Variants in PTPRO observed in about 807,000 individuals in gnomAD.
The protein encoded by PTPRO is protein tyrosine phosphatase receptor type O, also known as receptor-type tyrosine-protein phosphatase O.
PTPRO carries 62 observed loss-of-function variants against 145.2 expected under a neutral mutation model. The observed-to-expected ratio is 0.43, with a 90% confidence interval of 0.35 to 0.53. The LOEUF is 0.53. PTPRO is among the 20% of genes least tolerant of loss of function. PTPRO has a pLI of 0.01. For synonymous variants in PTPRO, 565 were observed against 514.7 expected, an observed-to-expected ratio of 1.10 and a Z score of -1.32; for missense variants, 1,345 against 1,482.7, an observed-to-expected ratio of 0.91 and a Z score of 1.53.
At chr12:15,502,884 G>A (rs1369727975) in intron 5 of PTPRO, among the ~76,000 whole-genome samples, 1 of 152,040 alleles carries the variant, frequency 6.6e-6, no homozygotes, top group East Asian at 1.9e-4. Context: ...GTAAAAATTT[G>A]AAGTTACAGT....
chr12:15,380,502 G>C (rs1938826377), intron 1 of PTPRO, among the ~76,000 whole-genome samples: 1 of 152,130 alleles, frequency 6.6e-6, no homozygotes, highest in African/African-American at 2.4e-5. Flanking sequence ...AACAACTTAT[G>C]TAATTTTAAA....
chr12:15,421,216 C>T (rs910081138), intron 1 of PTPRO, among the ~76,000 whole-genome samples: 2 of 152,164 alleles, frequency 1.3e-5, no homozygotes, highest in African/African-American at 4.8e-5. Context: ...CTTGCAAATA[C>T]GTCTAAATAG....
intron 6 of PTPRO, among the ~76,000 whole-genome samples, chr12:15,506,182 C>T (rs569204550): frequency 2.0e-5 from 3 of 152,134 alleles, no homozygotes; most frequent in Non-Finnish European, 4.4e-5. Context: ...ACCCTCTGTG[C>T]CCCCACTACA....
intron 1 of PTPRO, among the ~76,000 whole-genome samples, chr12:15,438,174 G>C (rs1293779114): frequency 6.6e-6 from 1 of 151,934 alleles, no homozygotes; most frequent in East Asian, 1.9e-4. Context: ...GAGAATAATA[G>C]TAATGACATT....
At chr12:15,495,982 A>C (rs1376752956) in intron 2 of PTPRO, among the ~76,000 whole-genome samples, 1 of 152,108 alleles carries the variant, frequency 6.6e-6, no homozygotes, top group Non-Finnish European at 1.5e-5. Flanking sequence ...ACATCATTTA[A>C]TTCCCTCTAG....
chr12:15,566,099 T>A (rs1419119215), intron 18 of PTPRO, among the ~76,000 whole-genome samples: 1 of 152,192 alleles, frequency 6.6e-6, no homozygotes, highest in African/African-American at 2.4e-5. Context: ...AGATAATTAA[T>A]CTAGCCTGTG....
chr12:15,343,678 C>A (rs981297234), intron 1 of PTPRO, among the ~76,000 whole-genome samples: 1 of 152,114 alleles, frequency 6.6e-6, no homozygotes, highest in Non-Finnish European at 1.5e-5. Context: ...AACAGCAAGA[C>A]CCTGTCTCAA....
intron 1 of PTPRO, among the ~76,000 whole-genome samples, chr12:15,395,628 T>C (rs1310714300): frequency 6.6e-6 from 1 of 152,180 alleles, no homozygotes; most frequent in Non-Finnish European, 1.5e-5. Context: ...GGTGGCTTAA[T>C]GTAGTAAATT....
intron 1 of PTPRO, chr12:15,439,729 A>G (rs1226935072): frequency 2.3e-5 from 12 of 532,850 alleles, no homozygotes; most frequent in Admixed American, 1.7e-4. Context: ...TGGACCTCCT[A>G]GTCAAGGACA....
chr12:15,422,449 C>T (rs959051748), intron 1 of PTPRO, among the ~76,000 whole-genome samples: 27 of 152,058 alleles, frequency 1.8e-4, no homozygotes, highest in African/African-American at 5.8e-4. Context: ...AATTGAGTGC[C>T]AACTTTGGGC....
intron 1 of PTPRO, among the ~76,000 whole-genome samples, chr12:15,407,953 G>C (rs1017504484): frequency 7.2e-5 from 11 of 152,106 alleles, no homozygotes; most frequent in African/African-American, 1.2e-4. Flanking sequence ...ATGGGATGAG[G>C]GATTTGATGA....
At chr12:15,415,767 A>G (rs1056411245) in intron 1 of PTPRO, among the ~76,000 whole-genome samples, 14 of 151,768 alleles carry the variant, frequency 9.2e-5, no homozygotes, top group Non-Finnish European at 1.5e-4. Context: ...TCTTTTTATC[A>G]TTCTTTGAAA....
intron 1 of PTPRO, among the ~76,000 whole-genome samples, chr12:15,373,842 C>T (rs1204757770): frequency 1.3e-5 from 2 of 152,124 alleles, no homozygotes; most frequent in Non-Finnish European, 2.9e-5. Context: ...GACAGGAATT[C>T]ATAACCTGTG....
intron 1 of PTPRO, among the ~76,000 whole-genome samples, chr12:15,390,176 T>C (rs1939149525): frequency 6.6e-6 from 1 of 152,148 alleles, no homozygotes; most frequent in Admixed American, 6.6e-5. Context: ...ATTTATCCAT[T>C]GGTCCCCATC....
At chr12:15,416,321 C>CTT (rs1939971838) in intron 1 of PTPRO, among the ~76,000 whole-genome samples, 1 of 72,740 alleles carries the variant, frequency 1.4e-5, no homozygotes, top group Non-Finnish European at 2.9e-5. Flanking sequence ...CTCTCTCTCT[C>CTT]TTTCTTTTTT....
intron 12 of PTPRO, among the ~76,000 whole-genome samples, chr12:15,531,078 C>A (rs1008086470): frequency 6.6e-6 from 1 of 152,070 alleles, no homozygotes; most frequent in Non-Finnish European, 1.5e-5. Context: ...TGAGAGACTA[C>A]TATGAACAGC....
chr12:15,501,166 G>A (rs1396341318), intron 4 of PTPRO, among the ~76,000 whole-genome samples: 1 of 152,154 alleles, frequency 6.6e-6, no homozygotes. Flanking sequence ...ACACATGTAT[G>A]CAACTCTTGT....
chr12:15,582,078 A>T (rs1944332910), intron 23 of PTPRO, among the ~76,000 whole-genome samples: 1 of 152,190 alleles, frequency 6.6e-6, no homozygotes. Flanking sequence ...AAATAAAGGG[A>T]TGGGTCTGGC....
chr12:15,460,106 C>A (rs1565642562), intron 1 of PTPRO, among the ~76,000 whole-genome samples: 1 of 152,162 alleles, frequency 6.6e-6, no homozygotes, highest in Non-Finnish European at 1.5e-5. Context: ...GAAAATACTT[C>A]TCAATATTTT....
Sources: allele counts gnomAD v4.1 joint callset (sites outside exome capture counted in the v4.1 genomes callset), GRCh38; gene constraint gnomAD v4.1.1; transcripts MANE v1.5; gene names NCBI Gene and HGNC (gene_info 2026-07-23, HGNC 2026-07-21).